The following WIF1 variants were observed in gnomAD, a reference collection of about 807,000 sequenced individuals.
The protein encoded by WIF1 is Wnt inhibitory factor 1.
Under a neutral mutation model 53.5 loss-of-function variants are expected in WIF1, and 35 were observed. That is an observed-to-expected ratio of 0.65 (90% CI 0.50 to 0.87). The LOEUF (loss-of-function observed/expected upper bound fraction) is 0.87. Ranked by LOEUF, WIF1 falls within the 40% of genes least tolerant of loss-of-function variation. The pLI is 0.00. For missense variants in WIF1, 467 were observed against 476.8 expected (o/e 0.98, Z 0.19); for synonymous variants, 171 against 170.4 (o/e 1.00, Z -0.03).
At chr12:65,070,521 A>T (rs1012066456) in intron 3 of WIF1, among the ~76,000 whole-genome samples, 2 of 152,172 alleles carry the variant, frequency 1.3e-5, no homozygotes, top group Non-Finnish European at 2.9e-5. Context: ...ACTTTGTTCA[A>T]TTATAAAACT....
At chr12:65,120,783 C>A in intron 1 of WIF1, 2 of 765,272 alleles carry the variant, frequency 2.6e-6, no homozygotes, top group Admixed American at 7.0e-5. Flanking sequence ...TGGAGTTAAC[C>A]GACGCAAAAA....
At chr12:65,119,684 C>A (rs1354659083) in intron 2 of WIF1, among the ~76,000 whole-genome samples, 1 of 152,112 alleles carries the variant, frequency 6.6e-6, no homozygotes, top group African/African-American at 2.4e-5. Flanking sequence ...AGAGTAAATT[C>A]TCCAATTGTA....
intron 9 of WIF1, among the ~76,000 whole-genome samples, chr12:65,053,193 G>C (rs1322044534): frequency 6.6e-6 from 1 of 152,172 alleles, no homozygotes; most frequent in African/African-American, 2.4e-5. Context: ...CATTCCCACT[G>C]TGTGAGAAGC....
intron 2 of WIF1, among the ~76,000 whole-genome samples, chr12:65,104,979 A>C (rs1408723994): frequency 3.3e-5 from 5 of 152,230 alleles, no homozygotes; most frequent in African/African-American, 1.2e-4. Context: ...ATCATAAAGA[A>C]AAGATGATTT....
At chr12:65,056,727 G>T (rs1430157951) in intron 7 of WIF1, among the ~76,000 whole-genome samples, 1 of 151,980 alleles carries the variant, frequency 6.6e-6, no homozygotes, top group African/African-American at 2.4e-5. Context: ...TCGGCTCACT[G>T]CATCCTCCGC....
At chr12:65,068,649 ATGTGTGTG>A (rs10590995) in intron 4 of WIF1, 107 bp downstream of exon 4, 22,133 of 992,834 alleles carry the variant, frequency 0.022, 278 homozygotes, top group African/African-American at 0.023. Context: ...CCAAAAAACC[ATGTGTGTG>A]TGTGTGTGTG....
At chr12:65,071,576 A>G (rs1190554997) in intron 3 of WIF1, among the ~76,000 whole-genome samples, 3 of 152,178 alleles carry the variant, frequency 2.0e-5, no homozygotes, top group Non-Finnish European at 4.4e-5. Context: ...TATAGTTTTT[A>G]AAGACCTAAT....
At chr12:65,106,240 CA>C (rs1883349645) in intron 2 of WIF1, among the ~76,000 whole-genome samples, 2 of 151,938 alleles carry the variant, frequency 1.3e-5, no homozygotes, top group African/African-American at 4.8e-5. Context: ...TAGGAATCTC[CA>C]AATGTAAGCC....
At chr12:65,106,373 A>ATTT (rs778399925) in intron 2 of WIF1, among the ~76,000 whole-genome samples, 22 of 142,402 alleles carry the variant, frequency 1.5e-4, no homozygotes, top group African/African-American at 5.8e-4. Flanking sequence ...ATATATATAT[A>ATTT]TTTTTTTTTA....
chr12:65,067,849 A>C (rs1592390087), intron 4 of WIF1, 59 bp from the exon 5 acceptor site: 5 of 1,471,206 alleles, frequency 3.4e-6, no homozygotes, highest in Non-Finnish European at 9.5e-7. Context: ...TGGGTGAATC[A>C]CAGCCAGTGT....
intron 9 of WIF1, among the ~76,000 whole-genome samples, chr12:65,052,118 C>G (rs1188115801): frequency 6.6e-6 from 1 of 152,174 alleles, no homozygotes; most frequent in Non-Finnish European, 1.5e-5. Flanking sequence ...CTTCTTCCTA[C>G]TTGGGGTGAT....
chr12:65,068,728 C>T (rs767754283), intron 4 of WIF1, 36 bp downstream of exon 4: 3 of 1,605,532 alleles, frequency 1.9e-6, no homozygotes, highest in East Asian at 4.5e-5. Flanking sequence ...TAAGCCCTTA[C>T]AACATGTCTT....
chr12:65,079,824 A>G (rs779465303), intron 2 of WIF1, among the ~76,000 whole-genome samples: 1 of 152,142 alleles, frequency 6.6e-6, no homozygotes, highest in Non-Finnish European at 1.5e-5. Flanking sequence ...AACTTTTTGC[A>G]TTCTATCCAT....
intron 2 of WIF1, among the ~76,000 whole-genome samples, chr12:65,111,718 G>A (rs1883433776): frequency 6.6e-6 from 1 of 152,184 alleles, no homozygotes; most frequent in Non-Finnish European, 1.5e-5. Context: ...ATTTTCTCAA[G>A]AGCAGATAAC....
chr12:65,096,377 G>A (rs968466706), intron 2 of WIF1, among the ~76,000 whole-genome samples: 4 of 152,278 alleles, frequency 2.6e-5, no homozygotes, highest in Middle Eastern at 3.4e-3. Context: ...AGATGCTGGC[G>A]AGGATGTGGA....
chr12:65,096,454 G>A (rs569803124), intron 2 of WIF1, among the ~76,000 whole-genome samples: 11 of 152,186 alleles, frequency 7.2e-5, no homozygotes, highest in African/African-American at 2.4e-4. Context: ...GAAAGACAGT[G>A]TGGCAATTTC....
At chr12:65,081,493 C>T (rs531413239) in intron 2 of WIF1, among the ~76,000 whole-genome samples, 108 of 152,252 alleles carry the variant, frequency 7.1e-4, no homozygotes, top group Non-Finnish European at 1.3e-3. Flanking sequence ...AGCAGTGGCA[C>T]GACTGCTTCA....
chr12:65,067,972 A>G (rs1882713941), intron 4 of WIF1, among the ~76,000 whole-genome samples, 182 bp from the exon 5 acceptor site: 1 of 152,128 alleles, frequency 6.6e-6, no homozygotes, highest in Admixed American at 6.6e-5. Flanking sequence ...AATCTGCTGC[A>G]GAGTAAGATT....
chr12:65,065,538 C>T (rs191850248), intron 6 of WIF1, among the ~76,000 whole-genome samples: 7 of 152,258 alleles, frequency 4.6e-5, no homozygotes, highest in East Asian at 1.9e-4. Context: ...GTTATTCTGA[C>T]TCATACTGAA....
Sources: allele counts gnomAD v4.1 joint callset (sites outside exome capture counted in the v4.1 genomes callset), GRCh38; gene constraint gnomAD v4.1.1; transcripts MANE v1.5; gene names NCBI Gene and HGNC (gene_info 2026-07-23, HGNC 2026-07-21).